PLEKHA6: variants seen among roughly 807,000 people sequenced by gnomAD.
PLEKHA6 encodes the protein pleckstrin homology domain-containing family A member 6.
PLEKHA6 carries 60 observed loss-of-function variants against 116.7 expected under a neutral mutation model. The observed-to-expected ratio is 0.51, with a 90% CI of 0.42 to 0.64. PLEKHA6 has a LOEUF of 0.64. PLEKHA6 is among the 30% of genes least tolerant of loss of function. PLEKHA6 has a pLI of 0.00. For synonymous variants in PLEKHA6, 489 were observed against 556.1 expected, an observed-to-expected ratio of 0.88 and a Z score of 1.70; for missense variants, 1,338 against 1,422.7, an observed-to-expected ratio of 0.94 and a Z score of 0.96.
chr1:204,357,386 C>T (rs534491966), intron 1 of PLEKHA6, among the ~76,000 whole-genome samples: 1 of 152,320 alleles, frequency 6.6e-6, no homozygotes, highest in East Asian at 1.9e-4. Flanking sequence ...GACAGATGGT[C>T]AAGGGAAGGC....
chr1:204,350,630 G>A (rs1673244877), intron 1 of PLEKHA6, among the ~76,000 whole-genome samples: 1 of 152,172 alleles, frequency 6.6e-6, no homozygotes, highest in African/African-American at 2.4e-5. Context: ...GTGTGCTCTG[G>A]AGGTCCAAGT....
At chr1:204,342,288 T>C (rs952079356) in intron 1 of PLEKHA6, among the ~76,000 whole-genome samples, 4 of 152,170 alleles carry the variant, frequency 2.6e-5, no homozygotes, top group Admixed American at 6.5e-5. Flanking sequence ...GGGAGAATTG[T>C]TCTAGGAGTT....
In PLEKHA6 at chr1:204,228,360, G is replaced by T; in HGVS notation, c.2886-132C>A. 1.1e-6 allele frequency: 1 copy of T among 891,846 alleles called. No homozygotes were observed. Among genetic ancestry groups the T allele is most frequent in the Non-Finnish European group, 1.7e-6 (1 of 579,868 alleles). The allele number at this position is 891,846 out of a possible 1,614,324, so 55.2% of individuals were successfully genotyped here. On this transcript the variant is annotated intron_variant, in intron 20 of 22. Coordinates refer to ENST00000272203, the MANE Select transcript of PLEKHA6 (RefSeq NM_014935.5). The surrounding 1 kb of genome is among the most constrained non-coding windows in gnomAD (Gnocchi z 4.0). The stretch of plus-strand genomic sequence containing the variant: ...TGTGCAGTCTCTGGTTCCCAGCAAG[G>T]CTGTCCCTAGGAGTGAGTGGGACCC...
At chr1:204,250,767 ATCC>A (rs2102662887) in intron 9 of PLEKHA6, among the ~76,000 whole-genome samples, 153 bp from the exon 10 acceptor site, 1 of 152,282 alleles carries the variant, frequency 6.6e-6, no homozygotes, top group Non-Finnish European at 1.5e-5. Context: ...CTCATTCCAC[ATCC>A]CCTGGCTGGA....
intron 1 of PLEKHA6, among the ~76,000 whole-genome samples, chr1:204,312,871 CTTTTCTTTTCTTTT>C (rs1671708988): frequency 7.3e-6 from 1 of 137,752 alleles, no homozygotes; most frequent in Non-Finnish European, 1.5e-5. Flanking sequence ...CTTTTCTTTT[CTTTTCTTTTCTTTT>C]CTTTTTTTTC....
intron 1 of PLEKHA6, among the ~76,000 whole-genome samples, chr1:204,285,485 G>GTT (rs370431108): frequency 0.018 from 2,727 of 148,966 alleles, 90 homozygotes; most frequent in African/African-American, 0.062. Flanking sequence ...TTTTGTTTTT[G>GTT]TTTTTTTTGA....
At chr1:204,323,872 C>A (rs149373233) in intron 1 of PLEKHA6, among the ~76,000 whole-genome samples, 1 of 152,272 alleles carries the variant, frequency 6.6e-6, no homozygotes, top group East Asian at 1.9e-4. Context: ...GAGACAAAAT[C>A]AGGTTAAATA....
chr1:204,346,426 C>G (rs1041114637), intron 1 of PLEKHA6, among the ~76,000 whole-genome samples: 3 of 152,024 alleles, frequency 2.0e-5, no homozygotes, highest in Admixed American at 2.0e-4. Flanking sequence ...GGTGGCCAGC[C>G]GGGCAGCTCT....
chr1:204,344,758 C>G (rs1672973146), intron 1 of PLEKHA6, among the ~76,000 whole-genome samples: 1 of 152,176 alleles, frequency 6.6e-6, no homozygotes, highest in Non-Finnish European at 1.5e-5. Context: ...AAAGCAACAT[C>G]TCCAAGGAGG....
rs1171382813 is a variant in PLEKHA6, at chr1:204,223,761, C to T, written c.3032-176G>A. Among the ~76,000 whole-genome samples, 5 of 152,112 alleles carry T rather than the reference C, an allele frequency of 3.3e-5. No individual in the cohort carries two copies. Among genetic ancestry groups the T allele is most frequent in the Non-Finnish European group, 7.4e-5 (5 of 68,026 alleles). ...CAAGCTGTCCTCATTCCCAGGGCGT[C>T]GTGGAGGAGAGTGTGAGGCCCCAGA... On this transcript the variant is annotated intron_variant, in intron 21 of 22. Coordinates refer to ENST00000272203, the MANE Select transcript of PLEKHA6 (RefSeq NM_014935.5). The surrounding 1 kb of genome is among the most constrained non-coding windows in gnomAD (Gnocchi z 4.8).
At chr1:204,272,883 A>G (rs553670029) in intron 3 of PLEKHA6, among the ~76,000 whole-genome samples, 1 of 152,288 alleles carries the variant, frequency 6.6e-6, no homozygotes, top group Non-Finnish European at 1.5e-5. Flanking sequence ...GTGCTCCATT[A>G]TGTGATGATA....
At chr1:204,230,751 G>A (rs1330650996) in intron 17 of PLEKHA6, among the ~76,000 whole-genome samples, 165 bp from the exon 18 acceptor site, 1 of 152,198 alleles carries the variant, frequency 6.6e-6, no homozygotes, top group African/African-American at 2.4e-5. Context: ...ATCTGAGAGT[G>A]TAACCTTATT....
chr1:204,350,868 A>G (rs912256114), intron 1 of PLEKHA6, among the ~76,000 whole-genome samples: 2 of 152,202 alleles, frequency 1.3e-5, no homozygotes, highest in African/African-American at 4.8e-5. Context: ...ACAGCACAAC[A>G]TTCTTTCCTA....
intron 1 of PLEKHA6, among the ~76,000 whole-genome samples, chr1:204,345,000 G>A (rs1222265792): frequency 2.6e-5 from 4 of 152,190 alleles, no homozygotes; most frequent in African/African-American, 7.2e-5. Context: ...TGGGGAAAGC[G>A]ACTTACCGAG....
intron 1 of PLEKHA6, among the ~76,000 whole-genome samples, chr1:204,331,137 T>C (rs1354416083): frequency 6.7e-6 from 1 of 149,704 alleles, no homozygotes; most frequent in Non-Finnish European, 1.5e-5. Context: ...GAGGCGAAGG[T>C]TGCAGTGAGC....
At chr1:204,283,063 T>C (rs1209617629) in intron 1 of PLEKHA6, among the ~76,000 whole-genome samples, 1 of 152,180 alleles carries the variant, frequency 6.6e-6, no homozygotes, top group Non-Finnish European at 1.5e-5. Context: ...ACCCCTGCCC[T>C]TCAGTGGCTG....
chr1:204,330,721 G>A (rs1270047935), intron 1 of PLEKHA6, among the ~76,000 whole-genome samples: 1 of 152,182 alleles, frequency 6.6e-6, no homozygotes, highest in African/African-American at 2.4e-5. Flanking sequence ...TAGAGCCAGT[G>A]CTACCGAAGA....
intron 1 of PLEKHA6, among the ~76,000 whole-genome samples, chr1:204,319,750 C>T (rs1671989008): frequency 6.6e-6 from 1 of 151,992 alleles, no homozygotes; most frequent in Non-Finnish European, 1.5e-5. Context: ...TGGTATCTGG[C>T]ATATAAACAT....
At chr1:204,375,685 C>T (rs569520914) in intron 1 of PLEKHA6, among the ~76,000 whole-genome samples, 2 of 152,144 alleles carry the variant, frequency 1.3e-5, no homozygotes, top group East Asian at 3.9e-4. Flanking sequence ...ATGTCAAGTC[C>T]CAGTTTGAAA....
Sources: allele counts gnomAD v4.1 joint callset (sites outside exome capture counted in the v4.1 genomes callset), GRCh38; gene constraint gnomAD v4.1.1; non-coding constraint Gnocchi (gnomAD v3.1); transcripts MANE v1.5; gene names NCBI Gene and HGNC (gene_info 2026-07-23, HGNC 2026-07-21).